The following VWA8 variants were observed in gnomAD, a reference collection of about 807,000 sequenced individuals.
The protein encoded by VWA8 is von Willebrand factor A domain containing 8, also known as von Willebrand factor A domain-containing protein 8.
Under a neutral mutation model 241.5 loss-of-function variants are expected in VWA8, and 221 were observed. The observed-to-expected ratio is 0.91, with a 90% CI of 0.82 to 1.02. The LOEUF is 1.02. VWA8 is among the 50% of genes least tolerant of loss of function. The pLI is 0.00. For missense variants in VWA8, 2,322 were observed against 2,328.7 expected (o/e 1.00, Z 0.06); for synonymous variants, 852 against 827.1 (o/e 1.03, Z -0.52).
intron 25 of VWA8, among the ~76,000 whole-genome samples, chr13:41,720,120 T>G (rs1425450265): frequency 1.3e-5 from 2 of 152,088 alleles, no homozygotes; most frequent in African/African-American, 2.4e-5. Flanking sequence ...ATATCTATAC[T>G]GAAGTTTTCA....
intron 21 of VWA8, among the ~76,000 whole-genome samples, chr13:41,743,203 C>G (rs575406127): frequency 1.4e-3 from 212 of 152,174 alleles, no homozygotes; most frequent in African/African-American, 4.5e-3. Context: ...AGCAGAAGAG[C>G]AAGTAATCAA....
At chr13:41,793,827 T>A (rs192597410) in intron 17 of VWA8, among the ~76,000 whole-genome samples, 219 of 152,172 alleles carry the variant, frequency 1.4e-3, no homozygotes, top group African/African-American at 5.1e-3. Context: ...AAAAAATAAA[T>A]AAATAAATTG....
rs1233051771 is a variant in VWA8, at chr13:41,605,389, T to G, written c.4878-113A>C. ...CAAACTCCTTGGAAACTCAGATTCA[T>G]GTTGAGGAGAAAAGGCAAGAAGTGA... On this transcript the variant is annotated intron_variant, in intron 39 of 44. Transcript: ENST00000379310. The G allele has an allele frequency of 2.4e-5, 24 of 999,794 alleles. No individual in the cohort carries two copies. The East Asian group carries it at 6.1e-4, about 25-fold the overall frequency. 61.9% of individuals were successfully genotyped at this position (999,794 alleles called of 1,614,324 possible).
intron 27 of VWA8, 39 bp downstream of exon 27, chr13:41,703,264 A>C (rs757637581): frequency 1.3e-6 from 2 of 1,536,178 alleles, no homozygotes; most frequent in South Asian, 2.3e-5. Context: ...AAAATTTATA[A>C]GGTTCAATAT....
At chr13:41,882,650 G>A (rs1432620421) in intron 9 of VWA8, among the ~76,000 whole-genome samples, 9 of 152,208 alleles carry the variant, frequency 5.9e-5, no homozygotes, top group African/African-American at 1.9e-4. Flanking sequence ...AAAAAAATAC[G>A]AAAACCAGTC....
chr13:41,842,963 A>G (rs1344957766), intron 12 of VWA8, among the ~76,000 whole-genome samples: 2 of 152,222 alleles, frequency 1.3e-5, no homozygotes, highest in Non-Finnish European at 2.9e-5. Flanking sequence ...TGGTACTACC[A>G]TTCCTTACTG....
intron 2 of VWA8, chr13:41,926,084 T>C (rs895580551): frequency 1.6e-5 from 8 of 489,354 alleles, no homozygotes; most frequent in African/African-American, 1.6e-4. Context: ...CCAGAAATTA[T>C]AAATCAGAAG....
rs1212347442 is a variant in VWA8 at position 41,568,153 on chromosome 13, C to CTTAT, written c.*40_*43dup. 2 of 1,501,790 alleles carry CTTAT rather than the reference C, an allele frequency of 1.3e-6. No individual in the cohort carries two copies. The highest frequency in any genetic ancestry group is 3.4e-5 in the Admixed American group (2 of 59,332). 93.0% of individuals were successfully genotyped at this position (1,501,790 alleles called of 1,614,324 possible). A position where few individuals can be genotyped will look rare whatever the true frequency, so the allele number is the denominator to read the frequency against. On this transcript the variant is annotated 3_prime_UTR_variant, in exon 45 of 45. Transcript: ENST00000379310. ...TTTTCAGAATACTCTTTATTCCTGT[C>CTTAT]TTATTTCAAATCCTGGTGTCATCAG... is the stretch of plus-strand genomic sequence containing the variant.
intron 40 of VWA8, among the ~76,000 whole-genome samples, chr13:41,600,919 G>A (rs7324203): frequency 0.017 from 2,619 of 152,032 alleles, 61 homozygotes; most frequent in African/African-American, 0.057. Context: ...CTTCTCACCC[G>A]AATAACTGAT....
chr13:41,917,624 C>T (rs112162637), intron 2 of VWA8, among the ~76,000 whole-genome samples: 13 of 152,210 alleles, frequency 8.5e-5, no homozygotes, highest in African/African-American at 2.7e-4. Context: ...CACCTGCAAA[C>T]TCCTATCTCT....
chr13:41,827,985 G>T (rs1871251842), intron 14 of VWA8, among the ~76,000 whole-genome samples: 1 of 152,172 alleles, frequency 6.6e-6, no homozygotes, highest in African/African-American at 2.4e-5. Flanking sequence ...AATATAAACT[G>T]TTCCATGACC....
chr13:41,877,617 AAAAAAACTATGGCTC>A (rs1873960505), intron 9 of VWA8, among the ~76,000 whole-genome samples: 4 of 152,100 alleles, frequency 2.6e-5, no homozygotes, highest in Admixed American at 2.6e-4. Flanking sequence ...AGTTTCTTAG[AAAAAAACTATGGCTC>A]AGATTACATT....
At position 41,609,876 on chromosome 13, in the gene VWA8, C is replaced by G. The variant is rs573708892; in HGVS notation, c.4877+1700G>C. ...TCCTCATCCCTTCCCCATGTCCTCT[C>G]TTTCCTCTCTTACATCCGCTAAATT... is the stretch of plus-strand genomic sequence containing the variant. On this transcript the variant is annotated intron_variant, in intron 39 of 44. Transcript: ENST00000379310. Among the ~76,000 whole-genome samples, 16 of 152,308 alleles carry G rather than the reference C, an allele frequency of 1.1e-4. 1 individual carries two copies. In the South Asian group the frequency reaches 3.3e-3, roughly 32 times the overall value.
At chr13:41,617,610 G>T (rs545398249) in intron 37 of VWA8, among the ~76,000 whole-genome samples, 33 of 152,166 alleles carry the variant, frequency 2.2e-4, no homozygotes, top group Non-Finnish European at 4.4e-4. Flanking sequence ...ATTTACATTA[G>T]GTATTTCTCC....
intron 4 of VWA8, among the ~76,000 whole-genome samples, chr13:41,893,927 C>T (rs1874975841): frequency 6.6e-6 from 1 of 152,134 alleles, no homozygotes; most frequent in South Asian, 2.1e-4. Flanking sequence ...TTCAATTAAG[C>T]TTTTGCTCGC....
At chr13:41,695,366 A>C (rs940538482) in intron 29 of VWA8, among the ~76,000 whole-genome samples, 1 of 152,202 alleles carries the variant, frequency 6.6e-6, no homozygotes, top group African/African-American at 2.4e-5. Context: ...AACCAGGGAC[A>C]TGCATCTGAG....
At chr13:41,893,643 TG>T (rs1874957883) in intron 4 of VWA8, among the ~76,000 whole-genome samples, 1 of 152,150 alleles carries the variant, frequency 6.6e-6, no homozygotes, top group South Asian at 2.1e-4. Context: ...CTCAGCATTT[TG>T]GGAGGCTGAG....
chr13:41,669,885 CAT>C (rs1340779260), intron 37 of VWA8, among the ~76,000 whole-genome samples: 4 of 152,096 alleles, frequency 2.6e-5, no homozygotes, highest in Non-Finnish European at 4.4e-5. Flanking sequence ...TACTTAATCA[CAT>C]GTTTATTTTA....
chr13:41,732,432 A>C (rs914152458), intron 21 of VWA8, among the ~76,000 whole-genome samples: 1 of 151,728 alleles, frequency 6.6e-6, no homozygotes, highest in South Asian at 2.1e-4. Context: ...TATGTCTTGT[A>C]ACCACTTCAC....
Sources: gnomAD v4.1 joint callset for allele counts (sites outside exome capture counted in the v4.1 genomes callset) on GRCh38, gnomAD v4.1.1 for gene constraint, MANE v1.5 for transcripts, NCBI Gene and HGNC (gene_info 2026-07-23, HGNC 2026-07-21) for gene names.